Variants in WDR43 observed in about 807,000 individuals in gnomAD.
WDR43 encodes the protein WD repeat-containing protein 43.
WDR43 carries 13 observed loss-of-function variants against 91.4 expected under a neutral mutation model. That is an observed-to-expected ratio of 0.14 (90% CI 0.09 to 0.23). The LOEUF (loss-of-function observed/expected upper bound fraction) is 0.23, where lower values mean the gene tolerates loss of function less well. Ranked by LOEUF, WDR43 falls within the 10% of genes least tolerant of loss-of-function variation. The pLI, the probability that WDR43 is intolerant of heterozygous loss-of-function variation, is 1.00. For missense variants in WDR43, 780 were observed against 809.4 expected (o/e 0.96, Z 0.44); for synonymous variants, 331 against 287.9 (o/e 1.15, Z -1.51).
intron 3 of WDR43, among the ~76,000 whole-genome samples, chr2:28,911,876 A>T (rs1280682741): frequency 2.7e-5 from 4 of 146,844 alleles, no homozygotes; most frequent in Non-Finnish European, 6.0e-5. Flanking sequence ...TGCCCACCTC[A>T]ATCTCCCAAA....
intron 8 of WDR43, among the ~76,000 whole-genome samples, chr2:28,926,005 G>A (rs961680282): frequency 2.6e-5 from 4 of 152,056 alleles, no homozygotes; most frequent in Admixed American, 6.6e-5. Flanking sequence ...ATTTAATATC[G>A]TGTCAGGACA....
intron 16 of WDR43, among the ~76,000 whole-genome samples, chr2:28,942,694 A>G (rs1386779755): frequency 1.3e-5 from 2 of 149,070 alleles, no homozygotes; most frequent in Non-Finnish European, 3.0e-5. Context: ...AGCTTGCTGC[A>G]GCCTCAACCT....
intron 6 of WDR43, among the ~76,000 whole-genome samples, chr2:28,920,226 T>TTC (rs200713725): frequency 0.12 from 15,490 of 130,266 alleles, 1,006 homozygotes; most frequent in Non-Finnish European, 0.18. Context: ...TTTTCTTTCT[T>TTC]TTTTTTTTTT....
chr2:28,932,136 A>T (rs544288819), intron 11 of WDR43, among the ~76,000 whole-genome samples: 2 of 152,086 alleles, frequency 1.3e-5, no homozygotes, highest in African/African-American at 4.8e-5. Context: ...CCTCAGCCTC[A>T]CAAAGTGCTG....
At position 28,894,736 on chromosome 2, in the gene WDR43, C is replaced by G. The variant is rs775865144; in HGVS notation, c.38C>G (p.Ala13Gly). ...GGCGGCGGTAGCTGCGACCCCCTGG[C>G]CCCTGCTGGGGTCCCTTGCGCCTTC... is the stretch of plus-strand genomic sequence containing the variant. ...AGGGGSCDPL[A>G]PAGVPCAFSP... The change falls in exon 1 of 18, where the codon GCC becomes GGC. Residue 13 changes from alanine to glycine, a missense_variant. By Grantham distance (60) the Ala-to-Gly change is moderately conservative (BLOSUM62 0). Around this residue, in one of 4 missense-constraint regions of WDR43, gnomAD observed 175 missense variants for 113.8 expected, o/e 1.54. Transcript: ENST00000407426. 3 of 1,585,600 alleles carry G rather than the reference C, an allele frequency of 1.9e-6. No individual in the cohort carries two copies. Among genetic ancestry groups the G allele is most frequent in the Middle Eastern group, 1.7e-4 (1 of 6,004 alleles).
chr2:28,930,911 T>C (rs192958174), intron 11 of WDR43, among the ~76,000 whole-genome samples: 9 of 152,290 alleles, frequency 5.9e-5, no homozygotes, highest in Admixed American at 5.9e-4. Flanking sequence ...TCTCAGATGA[T>C]CACATATCAT....
intron 2 of WDR43, among the ~76,000 whole-genome samples, chr2:28,904,038 CGT>C (rs1428652516): frequency 2.0e-5 from 3 of 152,078 alleles, no homozygotes; most frequent in Non-Finnish European, 4.4e-5. Context: ...CTCCTGGCCT[CGT>C]GTGATCTGCC....
At chr2:28,914,822 G>A (rs913540867) in intron 5 of WDR43, among the ~76,000 whole-genome samples, 48 of 152,164 alleles carry the variant, frequency 3.2e-4, no homozygotes, top group African/African-American at 9.9e-4. Flanking sequence ...CCAGCTACTC[G>A]GGAGGCTGAG....
chr2:28,923,019 C>G (rs1175322416), intron 7 of WDR43, 36 bp downstream of exon 7: 1 of 1,561,740 alleles, frequency 6.4e-7, no homozygotes, highest in East Asian at 2.2e-5. Flanking sequence ...AAATTTGTTT[C>G]TTTCCCTGAC....
chr2:28,934,013 A>G (rs1293312612), intron 11 of WDR43, among the ~76,000 whole-genome samples: 1 of 152,240 alleles, frequency 6.6e-6, no homozygotes, highest in Non-Finnish European at 1.5e-5. Context: ...ACATACGTTC[A>G]TACAAAGACT....
chr2:28,921,227 A>G (rs958856972), intron 6 of WDR43, among the ~76,000 whole-genome samples: 4 of 151,196 alleles, frequency 2.6e-5, no homozygotes, highest in Admixed American at 1.3e-4. Context: ...TCCCGGGTTC[A>G]AGCGATTCTC....
At chr2:28,919,673 A>G (rs147197162) in intron 6 of WDR43, among the ~76,000 whole-genome samples, 1,599 of 152,036 alleles carry the variant, frequency 0.011, 30 homozygotes, top group African/African-American at 0.035. Flanking sequence ...AAAACAAACT[A>G]GTAGGAATCC....
At chr2:28,899,435 C>T (rs1291846315) in intron 1 of WDR43, among the ~76,000 whole-genome samples, 2 of 152,044 alleles carry the variant, frequency 1.3e-5, no homozygotes, top group Non-Finnish European at 2.9e-5. Context: ...AGGAAAGGTC[C>T]CCTTCCAAGT....
chr2:28,942,997 CATT>C (rs1476070343), intron 16 of WDR43, among the ~76,000 whole-genome samples: 1 of 151,962 alleles, frequency 6.6e-6, no homozygotes, highest in African/African-American at 2.4e-5. Context: ...TTTAAGGAAA[CATT>C]AATGACCAAA....
At chr2:28,914,024 C>A in intron 4 of WDR43, 45 bp from the exon 5 acceptor site, 2 of 1,603,122 alleles carry the variant, frequency 1.2e-6, no homozygotes, top group South Asian at 1.1e-5. Context: ...AATTTTTGTC[C>A]CTGCTTTGAA....
At chr2:28,937,776 C>T (rs533231485) in intron 13 of WDR43, among the ~76,000 whole-genome samples, 155 bp from the exon 14 acceptor site, 10 of 152,244 alleles carry the variant, frequency 6.6e-5, no homozygotes, top group African/African-American at 1.4e-4. Context: ...AAAGAAAAAA[C>T]GGAAAGTGAT....
intron 5 of WDR43, among the ~76,000 whole-genome samples, chr2:28,916,873 G>T (rs1670920467): frequency 6.6e-6 from 1 of 151,818 alleles, no homozygotes; most frequent in African/African-American, 2.4e-5. Flanking sequence ...ATAAAACCTT[G>T]TTTTATGTTT....
intron 10 of WDR43, among the ~76,000 whole-genome samples, chr2:28,928,624 A>T (rs1671187571): frequency 6.6e-6 from 1 of 152,170 alleles, no homozygotes; most frequent in South Asian, 2.1e-4. Flanking sequence ...AACATGTTAG[A>T]CTTGATTTAA....
At chr2:28,911,228 TC>T (rs1190582613) in intron 3 of WDR43, among the ~76,000 whole-genome samples, 1 of 152,194 alleles carries the variant, frequency 6.6e-6, no homozygotes, top group African/African-American at 2.4e-5. Context: ...ATTTTGTTTT[TC>T]TAATGACTGA....
Sources: gnomAD v4.1 joint callset for allele counts (sites outside exome capture counted in the v4.1 genomes callset) on GRCh38, gnomAD v4.1.1 for gene constraint, gnomAD v4.1.1 regional missense constraint, MANE v1.5 for transcripts, NCBI Gene and HGNC (gene_info 2026-07-23, HGNC 2026-07-21) for gene names.